SAMD9: variants seen among roughly 807,000 people sequenced by gnomAD.
SAMD9 encodes the protein sterile alpha motif domain containing 9.
A neutral mutation model predicts 1.5 loss-of-function variants in SAMD9; 3 were observed. That is an observed-to-expected ratio of 2.05 (90% CI 0.93 to 5.29). The LOEUF is 5.29. Ranked by LOEUF, SAMD9 falls within the 30% of genes most tolerant of loss-of-function variation. SAMD9 has a pLI of 0.02. For synonymous variants in SAMD9, 635 were observed against 631.9 expected (o/e 1.00, Z -0.07); for missense variants, 1,597 against 1,820.8 (o/e 0.88, Z 2.24).
chr7:93,113,474 A>G (rs1791780026), intron 2 of SAMD9, among the ~76,000 whole-genome samples: 1 of 152,204 alleles, frequency 6.6e-6, no homozygotes. Context: ...AAACTAAAGC[A>G]CTTCTGCACA....
intron 2 of SAMD9, among the ~76,000 whole-genome samples, chr7:93,109,192 C>A (rs1345738195): frequency 1.3e-5 from 2 of 152,194 alleles, no homozygotes; most frequent in East Asian, 3.8e-4. Context: ...CAAACAGGGT[C>A]TGGAGTGGAC....
intron 2 of SAMD9, among the ~76,000 whole-genome samples, chr7:93,108,745 C>T (rs6957832): frequency 6.6e-6 from 1 of 151,990 alleles, no homozygotes; most frequent in Non-Finnish European, 1.5e-5. Flanking sequence ...CGGCAGCAAG[C>T]CTGGGGGAGG....
In SAMD9 at chr7:93,104,220, T is replaced by C. The variant is rs751402066; in HGVS notation, c.1878A>G (p.Gln626=). 6 of 1,613,942 alleles carry C rather than the reference T, an allele frequency of 3.7e-6. No homozygotes were observed. The highest frequency in any genetic ancestry group is 2.2e-5 in the South Asian group (2 of 91,064). ...TAGATGGCAAAAGCCTTTTTGAAGA[T>C]TGAGTCACAGATTTTAGTTTAAGAA... is the stretch of plus-strand genomic sequence containing the variant. The part of the protein sequence containing the change: ...GTILKLKSVT[Q]SSKRLLPSIG... The change falls in exon 3 of 3, where the codon CAA becomes CAG. Residue 626 remains glutamine, a synonymous_variant. Coordinates refer to ENST00000379958, the MANE Select transcript of SAMD9 (RefSeq NM_017654.4).
rs201250385 is a variant in SAMD9, at chr7:93,103,232, A to T, written c.2866T>A (p.Phe956Ile). ...NKKAFWGTEK[F>I]EDKMGTYSTI... ...GAGTAGGTGCCCATCTTGTCTTCAA[A>T]TTTTTCTGTCCCCCAGAAAGCCTTC... Residue 956 changes from phenylalanine to isoleucine, a missense_variant, in exon 3 of 3, where the codon TTT becomes ATT. Phe to Ile is a conservative substitution (Grantham distance 21). This residue lies in a region of SAMD9 where 682 missense variants were observed against 810.0 expected (regional missense o/e 0.84). Transcript: ENST00000379958. 23 of 1,613,598 alleles carry T rather than the reference A, an allele frequency of 1.4e-5. No individual in the cohort carries two copies. Among genetic ancestry groups the T allele is most frequent in the Middle Eastern group, 1.6e-4 (1 of 6,084 alleles).
intron 2 of SAMD9, 66 bp from the exon 3 acceptor site, chr7:93,106,171 G>A (rs1791641903): frequency 9.5e-7 from 1 of 1,052,486 alleles, no homozygotes; most frequent in Non-Finnish European, 1.3e-6. Flanking sequence ...AATTTTAGTA[G>A]ATAATATATA....
At chr7:93,116,126 C>A (rs1452199142) in intron 1 of SAMD9, among the ~76,000 whole-genome samples, 1 of 152,186 alleles carries the variant, frequency 6.6e-6, no homozygotes, top group Non-Finnish European at 1.5e-5. Context: ...CGCCGCTTCC[C>A]ACCAGTACCC....
chr7:93,101,988 AG>A lies in SAMD9; in HGVS notation c.4109del (p.Thr1370IlefsTer4), dbSNP rs779349886. ...STMKCIVNEY[T>X]FLLEQCTVKI... ...TGACAGTGCATTGTTCTAAGAGAAA[AG>A]TATATTCGTTCACTATACATTTCAT... is the stretch of plus-strand genomic sequence containing the variant. On this transcript the variant is annotated frameshift_variant, in exon 3 of 3. Coordinates refer to ENST00000379958, the MANE Select transcript of SAMD9 (RefSeq NM_017654.4). LOFTEE classifies it low-confidence loss of function (END_TRUNC). The A allele has an allele frequency of 6.1e-5, 98 of 1,613,666 alleles. No individual in the cohort carries two copies. In the South Asian group the frequency reaches 8.0e-4, roughly 13 times the overall value.
intron 2 of SAMD9, among the ~76,000 whole-genome samples, chr7:93,114,144 T>C (rs1791794095): frequency 6.6e-6 from 1 of 152,056 alleles, no homozygotes; most frequent in Admixed American, 6.5e-5. Context: ...TTCATGTCCT[T>C]TGTAGGGACA....
At chr7:93,110,405 A>G (rs1440197585) in intron 2 of SAMD9, among the ~76,000 whole-genome samples, 3 of 152,194 alleles carry the variant, frequency 2.0e-5, no homozygotes, top group African/African-American at 7.2e-5. Context: ...TCAAATAACG[A>G]GCAAAAGAAC....
intron 2 of SAMD9, among the ~76,000 whole-genome samples, chr7:93,110,817 A>T (rs1486941878): frequency 6.6e-6 from 1 of 152,184 alleles, no homozygotes; most frequent in Admixed American, 6.5e-5. Flanking sequence ...AAGTCCTTAG[A>T]GACCTACAAA....
At chr7:93,116,072 G>A (rs1193286632) in intron 1 of SAMD9, among the ~76,000 whole-genome samples, 1 of 152,018 alleles carries the variant, frequency 6.6e-6, no homozygotes, top group African/African-American at 2.4e-5. Context: ...GCTAGCGTGC[G>A]CTGGCTCCTG....
chr7:93,102,324 A>G lies in SAMD9; in HGVS notation c.3774T>C (p.Thr1258=). ...ACTTTTTCAAAGAAAATTTCAATTT[A>G]GTTAAATAAGGAATATAGTTTTTGA... ...LALKNYIPYL[T]KLKFSLKKSF... Residue 1258 remains threonine (T), a synonymous_variant, in exon 3 of 3, where the codon ACT becomes ACC. Transcript: ENST00000379958. The G allele has an allele frequency of 6.2e-7, 1 of 1,609,382 alleles. No homozygotes were observed. The highest frequency in any genetic ancestry group is 1.3e-5 in the African/African-American group (1 of 74,896).
chr7:93,111,814 T>G (rs1400292148), intron 2 of SAMD9, among the ~76,000 whole-genome samples: 1 of 152,088 alleles, frequency 6.6e-6, no homozygotes, highest in Admixed American at 6.6e-5. Context: ...AGGCAACAAT[T>G]AATAGCCTAC....
chr7:93,103,541 C>A lies in SAMD9; in HGVS notation c.2557G>T (p.Val853Leu). 6.2e-7 allele frequency: 1 copy of A among 1,613,614 alleles called. No individual in the cohort carries two copies. Among genetic ancestry groups the A allele is most frequent in the Non-Finnish European group, 8.5e-7 (1 of 1,179,688 alleles). ...KSARIPDSIA[V>L]IQQLSPKEQR... ...TCTTTGGGAGAGAGTTGCTGTATTA[C>A]GGCAATACTGTCTGGGATCCTTGCA... is the stretch of plus-strand genomic sequence containing the variant. Residue 853 changes from valine (V) to leucine (L), a missense_variant, in exon 3 of 3, where the codon GTA becomes TTA. By Grantham distance (32) the Val-to-Leu change is conservative. This residue lies in a region of SAMD9 where 55 missense variants were observed against 58.6 expected (regional missense o/e 0.94). Coordinates refer to ENST00000379958, the MANE Select transcript of SAMD9 (RefSeq NM_017654.4).
chr7:93,116,872 C>G (rs565122686), intron 1 of SAMD9, among the ~76,000 whole-genome samples: 25 of 152,170 alleles, frequency 1.6e-4, no homozygotes, highest in Non-Finnish European at 3.7e-4. Context: ...TGATTGAACC[C>G]ACATACATTT....
chr7:93,115,250 G>C (rs1791814909), intron 1 of SAMD9, among the ~76,000 whole-genome samples: 1 of 152,214 alleles, frequency 6.6e-6, no homozygotes, highest in Non-Finnish European at 1.5e-5. Flanking sequence ...TGATGATGTG[G>C]AGTCAGTGGA....
Position 93,101,931 on chromosome 7 carries a change from G to C in SAMD9, c.4167C>G (p.Ile1389Met). ...TACAGGAGAGAATAATGTTGGCCAA[G>C]ATGAAATTTAGCTTTTCTTTTGACT... The part of the protein sequence containing the change: ...KIQSKEKLNF[I>M]LANIILSCIQ... The change falls in exon 3 of 3, where the codon ATC becomes ATG. Residue 1389 changes from isoleucine (I) to methionine (M), a missense_variant. Ile to Met is a conservative substitution (Grantham distance 10, BLOSUM62 1). Transcript: ENST00000379958. The C allele has an allele frequency of 6.2e-7, 1 of 1,613,862 alleles. No individual in the cohort carries two copies. The highest frequency in any genetic ancestry group is 8.5e-7 in the Non-Finnish European group (1 of 1,179,776).
In SAMD9 at chr7:93,105,696, AC is replaced by A; in HGVS notation, c.401del (p.Gly134ValfsTer5). 1 of 1,613,972 alleles carries A rather than the reference AC, an allele frequency of 6.2e-7. No homozygotes were observed. Among genetic ancestry groups the A allele is most frequent in the Non-Finnish European group, 8.5e-7 (1 of 1,179,964 alleles). ...NPSAMSTTAKGSKSLKVELIE... is the reference protein window; with the variant it reads ...NPSAMSTTAKXSKSLKVELIE... ...TGAGCTCAACTTTTAGTGACTTAGA[AC>A]CTTTAGCAGTTGTACTCATTGCAGA... is the stretch of plus-strand genomic sequence containing the variant. On this transcript the variant is annotated frameshift_variant, in exon 3 of 3. Coordinates refer to ENST00000379958, the MANE Select transcript of SAMD9 (RefSeq NM_017654.4). LOFTEE classifies it low-confidence loss of function (END_TRUNC).
At position 93,117,850 on chromosome 7, in the gene SAMD9, A is replaced by C. The variant is rs1360306979; in HGVS notation, c.-110+13T>G. The C allele has an allele frequency of 2.0e-5, 3 of 152,208 alleles. No homozygotes were observed. The highest frequency in any genetic ancestry group is 2.9e-5 in the Non-Finnish European group (2 of 68,040). 9.4% of individuals were successfully genotyped at this position (152,208 alleles called of 1,614,324 possible). The stretch of plus-strand genomic sequence containing the variant: ...ATAGTAAGAACAATATTAATAATAG[A>C]TATTGTACTTACCCAGTAGTCTTGC... On this transcript the variant is annotated intron_variant, in intron 1 of 2. Coordinates refer to ENST00000379958, the MANE Select transcript of SAMD9 (RefSeq NM_017654.4).
Sources: allele counts gnomAD v4.1 joint callset (sites outside exome capture counted in the v4.1 genomes callset), GRCh38; gene constraint gnomAD v4.1.1; regional missense constraint gnomAD v4.1.1; transcripts MANE v1.5; gene names NCBI Gene and HGNC (gene_info 2026-07-23, HGNC 2026-07-21).